The following HOXA3 variants were observed in gnomAD, a reference collection of about 807,000 sequenced individuals.
HOXA3 encodes homeobox protein Hox-A3.
Under a neutral mutation model 30.3 loss-of-function variants are expected in HOXA3, and 8 were observed. The ratio of observed to expected loss-of-function variants is 0.26; its 90% CI spans 0.15 to 0.48. The LOEUF (loss-of-function observed/expected upper bound fraction) is 0.48, where lower values mean the gene tolerates loss of function less well. HOXA3 is among the 20% of genes least tolerant of loss of function. The pLI is 0.99. For synonymous variants in HOXA3, 323 were observed against 273.1 expected (o/e 1.18, Z -1.80); for missense variants, 653 against 614.4 (o/e 1.06, Z -0.66).
At chr7:27,124,129 T>C (rs1481697490) in intron 3 of HOXA3, 1 of 152,278 alleles carries the variant, frequency 6.6e-6, no homozygotes, top group Non-Finnish European at 1.5e-5. Context: ...ATGGCTGCTG[T>C]ACCCCATAAA....
intron 4 of HOXA3, chr7:27,122,300 C>G (rs1369208689): frequency 2.0e-5 from 3 of 152,254 alleles, no homozygotes; most frequent in Admixed American, 1.3e-4. Flanking sequence ...CCCTCTGACT[C>G]TCCACAACCC....
intron 4 of HOXA3, chr7:27,121,213 C>CTGTGTGTGTGTGTGTGTG (rs1491534734): frequency 1.7e-5 from 2 of 119,376 alleles, no homozygotes; most frequent in Admixed American, 8.6e-5. Context: ...TCTTAGCCCA[C>CTGTGTGTGTGTGTGTGTG]TGTGTGCGTG....
rs201711921 is a variant in HOXA3 at position 27,108,282 on chromosome 7, G to A, written c.965C>T (p.Pro322Leu). 3 of 1,516,700 alleles carry A rather than the reference G, an allele frequency of 2.0e-6. No individual in the cohort carries two copies. The highest frequency in any genetic ancestry group is 2.6e-6 in the Non-Finnish European group (3 of 1,132,306). The allele number at this position is 1,516,700 out of a possible 1,614,324, so 94.0% of individuals were successfully genotyped here. ...YPASLPSCAP[P>L]PPPQKRYTAA... Reference sequence around the variant, plus strand: ...CGTGTAGCGCTTCTGTGGGGGTGGCGGGGGTGCGCAGCTGGGCAGGGACGC... The same window carrying A: ...CGTGTAGCGCTTCTGTGGGGGTGGCAGGGGTGCGCAGCTGGGCAGGGACGC... Residue 322 changes from proline to leucine, a missense_variant, in exon 6 of 6, where the codon CCG (proline) becomes CTG (leucine). By Grantham distance (98) the Pro-to-Leu change is moderately conservative. This residue lies in a region of HOXA3 where 330 missense variants were observed against 274.4 expected (regional missense o/e 1.20). Coordinates refer to ENST00000612286, the MANE Select transcript of HOXA3 (RefSeq NM_153631.3). The surrounding 1 kb of genome is among the most constrained non-coding windows in gnomAD (Gnocchi z 5.0).
chr7:27,148,479 C>G (rs1327518719), intron 1 of HOXA3, among the ~76,000 whole-genome samples: 1 of 152,270 alleles, frequency 6.6e-6, no homozygotes, highest in African/African-American at 2.4e-5. Flanking sequence ...AGGATCACCT[C>G]GAGCTGACCA....
At chr7:27,143,094 C>A (rs1271625017) in intron 1 of HOXA3, 2 of 1,558,808 alleles carry the variant, frequency 1.3e-6, no homozygotes, top group African/African-American at 2.8e-5. Flanking sequence ...TGGGGTTGGG[C>A]GGGCGGCGCC....
chr7:27,107,887 C>T lies in HOXA3; in HGVS notation c.*28G>A, dbSNP rs757456899. On this transcript the variant is annotated 3_prime_UTR_variant, in exon 6 of 6. Transcript: ENST00000612286. The stretch of plus-strand genomic sequence containing the variant: ...GAAAAAAGGTGGGTGGGGGGAGACT[C>T]TCCTGGCGCGTAGCCCCAAGCCCAC... The T allele has an allele frequency of 3.7e-6, 5 of 1,344,412 alleles. No individual in the cohort carries two copies. The South Asian group carries it at 4.3e-5, about 12-fold the overall frequency. 83.3% of individuals were successfully genotyped at this position (1,344,412 alleles called of 1,614,324 possible).
chr7:27,120,657 C>G (rs145955958), intron 4 of HOXA3, among the ~76,000 whole-genome samples: 3 of 152,028 alleles, frequency 2.0e-5, no homozygotes, highest in African/African-American at 7.2e-5. Flanking sequence ...GGCCTCCAAA[C>G]GGCTGCTAAC....
chr7:27,148,621 C>T (rs1782869436), intron 1 of HOXA3, among the ~76,000 whole-genome samples: 1 of 152,240 alleles, frequency 6.6e-6, no homozygotes, highest in Non-Finnish European at 1.5e-5. Flanking sequence ...GCGTCCCCAT[C>T]CCACCTTTGA....
chr7:27,110,138 T>C lies in HOXA3; in HGVS notation c.503A>G (p.Gln168Arg). ...ACCTGAGCTGGAGCTGCTGGTTTTC[T>C]GCTTTGTGTTTTGTCGAGACTCTTT... is the stretch of plus-strand genomic sequence containing the variant. ...WMKESRQNTK[Q>R]KTSSSSSGES... Residue 168 changes from glutamine (Q) to arginine (R), a missense_variant, in exon 5 of 6, where the codon CAG (glutamine) becomes CGG (arginine). Physicochemically the swap from Gln to Arg is conservative, Grantham distance 43. This residue lies in a region of HOXA3 where 320 missense variants were observed against 321.9 expected (regional missense o/e 0.99). Coordinates refer to ENST00000612286, the MANE Select transcript of HOXA3 (RefSeq NM_153631.3). 6.2e-7 allele frequency: 1 copy of C among 1,614,214 alleles called. No individual in the cohort carries two copies. Among genetic ancestry groups the C allele is most frequent in the South Asian group, 1.1e-5 (1 of 91,084 alleles).
chr7:27,147,430 G>C (rs961128013), intron 1 of HOXA3: 1 of 1,614,068 alleles, frequency 6.2e-7, no homozygotes, highest in East Asian at 2.2e-5. Flanking sequence ...CTGCTGCTCG[G>C]GAGAAAAGTG....
At chr7:27,130,069 A>C (rs1290611565) in intron 2 of HOXA3, 24 of 1,539,524 alleles carry the variant, frequency 1.6e-5, no homozygotes, top group East Asian at 2.4e-5. Context: ...CCTCGAACCC[A>C]GGCCCAGCCC....
At chr7:27,139,738 G>T (rs1782467400) in intron 2 of HOXA3, among the ~76,000 whole-genome samples, 1 of 152,172 alleles carries the variant, frequency 6.6e-6, no homozygotes, top group Non-Finnish European at 1.5e-5. Flanking sequence ...TTGCGCGGGG[G>T]ACTGGGGGTG....
At chr7:27,109,152 T>C (rs936641041) in intron 5 of HOXA3, among the ~76,000 whole-genome samples, 3 of 152,170 alleles carry the variant, frequency 2.0e-5, no homozygotes, top group African/African-American at 7.2e-5. Context: ...CTGACAATAA[T>C]TAGGCAGTAG....
At position 27,110,442 on chromosome 7, in the gene HOXA3, G is replaced by A. The variant is rs376728976; in HGVS notation, c.199C>T (p.Leu67=). 9.6e-4 allele frequency: 1,517 copies of A among 1,580,626 alleles called. 6 individuals are homozygous for A. The highest frequency in any genetic ancestry group is 7.3e-4 in the Non-Finnish European group (846 of 1,162,418). The change falls in exon 5 of 6, where the codon CTG becomes TTG. Residue 67 remains leucine, a synonymous_variant. Transcript: ENST00000612286. ...AGGGTGCGCAGGCACGCCTCACTCA[G>A]TTCGTGTGCCTTGGGGTGGCCCCCG... is the stretch of plus-strand genomic sequence containing the variant. ...SAGGHPKAHE[L]SEACLRTLSA...
rs752889184 is a variant in HOXA3, at chr7:27,108,480, A to G, written c.767T>C (p.Leu256Pro). Residue 256 changes from leucine (L) to proline (P), a missense_variant, in exon 6 of 6, where the codon CTA becomes CCA. Leu to Pro is a moderately conservative substitution (Grantham distance 98). Around this residue, in one of 3 missense-constraint regions of HOXA3, gnomAD observed 330 missense variants for 274.4 expected, o/e 1.20. Coordinates refer to ENST00000612286, the MANE Select transcript of HOXA3 (RefSeq NM_153631.3). This position sits in a 1 kb window ranked among gnomAD's most constrained non-coding sequence, Gnocchi z 5.0. ...TGGAGACTGGCCCCCCGATGACGTT[A>G]GCATGCCCTTGCCCTTCTGATCCTT... ...YKKDQKGKGM[L>P]TSSGGQSPSR... is the part of the protein sequence containing the mutation. 4.3e-5 allele frequency: 69 copies of G among 1,613,936 alleles called. No homozygotes were observed. In the East Asian group the frequency reaches 1.2e-3, roughly 29 times the overall value.
intron 1 of HOXA3, chr7:27,142,840 C>T (rs1782622661): frequency 1.9e-6 from 1 of 531,252 alleles, no homozygotes; most frequent in Admixed American, 3.9e-5. Flanking sequence ...CAGAGAACGC[C>T]CATTTCCCCC....
At chr7:27,139,567 A>G (rs1782451006) in intron 2 of HOXA3, among the ~76,000 whole-genome samples, 2 of 152,346 alleles carry the variant, frequency 1.3e-5, no homozygotes, top group South Asian at 2.1e-4. Flanking sequence ...ACAGCCCCGT[A>G]AGGAATCCCG....
intron 2 of HOXA3, among the ~76,000 whole-genome samples, chr7:27,136,838 A>T (rs945065398): frequency 6.6e-6 from 1 of 152,198 alleles, no homozygotes; most frequent in African/African-American, 2.4e-5. Context: ...CAGACCTTCA[A>T]GTTCTGGGGC....
chr7:27,151,092 C>T (rs1782958027), intron 1 of HOXA3: 1 of 152,432 alleles, frequency 6.6e-6, no homozygotes, highest in Non-Finnish European at 1.5e-5. Context: ...CCCGAGCGCA[C>T]GCAGAGCACG....
Sources: allele counts gnomAD v4.1 joint callset (sites outside exome capture counted in the v4.1 genomes callset), GRCh38; gene constraint gnomAD v4.1.1; regional missense constraint gnomAD v4.1.1; non-coding constraint Gnocchi (gnomAD v3.1); transcripts MANE v1.5; gene names NCBI Gene and HGNC (gene_info 2026-07-23, HGNC 2026-07-21).